Variants in DMXL1 observed in about 807,000 individuals in gnomAD.
DMXL1 encodes the protein Dmx like 1, also known as dmX-like protein 1.
A neutral mutation model predicts 319.2 loss-of-function variants in DMXL1; 99 were observed. The observed-to-expected ratio is 0.31, with a 90% CI of 0.26 to 0.37. The LOEUF (loss-of-function observed/expected upper bound fraction) is 0.37. Ranked by LOEUF, DMXL1 falls within the 10% of genes least tolerant of loss-of-function variation. The pLI, the probability that DMXL1 is intolerant of heterozygous loss-of-function variation, is 1.00. For missense variants in DMXL1, 3,745 were observed against 3,595.6 expected, an observed-to-expected ratio of 1.04 and a Z score of -1.06; for synonymous variants, 1,385 against 1,235.2, an observed-to-expected ratio of 1.12 and a Z score of -2.54.
intron 5 of DMXL1, among the ~76,000 whole-genome samples, chr5:119,112,458 T>C (rs1384985224): frequency 6.6e-6 from 1 of 152,084 alleles, no homozygotes; most frequent in Non-Finnish European, 1.5e-5. Flanking sequence ...AGTAAACTGG[T>C]GTAACAGGAT....
In DMXL1 at chr5:119,071,368, C is replaced by A; in HGVS notation, c.-202C>A. 1 of 559,166 alleles carries A rather than the reference C, an allele frequency of 1.8e-6. No individual in the cohort carries two copies. The highest frequency in any genetic ancestry group is 3.1e-6 in the Non-Finnish European group (1 of 320,930). 34.6% of individuals were successfully genotyped at this position (559,166 alleles called of 1,614,324 possible). ...GCGGCGCTCCGCCCTCTCGCCGACC[C>A]GCCCCCTCCGGGCCTCGCCCTCCGG... On this transcript the variant is annotated 5_prime_UTR_variant, in exon 1 of 44. Coordinates refer to ENST00000539542, the MANE Select transcript of DMXL1 (RefSeq NM_001290321.3).
intron 42 of DMXL1, among the ~76,000 whole-genome samples, chr5:119,240,780 A>G (rs981358807): frequency 2.0e-5 from 3 of 152,194 alleles, no homozygotes; most frequent in African/African-American, 7.2e-5. Context: ...TACCACTCCT[A>G]TTCAACATTG....
rs1765452606 is a variant in DMXL1, at chr5:119,133,911, A to ACAC, written c.1990_1992dup (p.Pro664dup). ...AACATCACACCATAATGCATTAAGG[A>ACAC]CACCAGATGTTGATAACCCAGAGCA... On this transcript the variant is annotated inframe_insertion, in exon 12 of 44. Transcript: ENST00000539542. The ACAC allele has an allele frequency of 1.2e-6, 2 of 1,614,198 alleles. No homozygotes were observed. Among genetic ancestry groups the ACAC allele is most frequent in the Non-Finnish European group, 1.7e-6 (2 of 1,180,040 alleles).
chr5:119,244,336 T>G lies in DMXL1; in HGVS notation c.8705-23T>G, dbSNP rs774359827. On this transcript the variant is annotated intron_variant, in intron 42 of 43. Coordinates refer to ENST00000539542, the MANE Select transcript of DMXL1 (RefSeq NM_001290321.3). ...TTTCTTTTATTGTTAAGTGTTTTTGTTTTTTTTTTAATTTACTTTCAGCAT... is the reference window on the plus strand; with the variant it reads ...TTTCTTTTATTGTTAAGTGTTTTTGGTTTTTTTTTAATTTACTTTCAGCAT... The G allele has an allele frequency of 6.3e-6, 9 of 1,432,412 alleles. No homozygotes were observed. The South Asian group carries it at 6.5e-5, about 10-fold the overall frequency. The allele number at this position is 1,432,412 out of a possible 1,614,324, so 88.7% of individuals were successfully genotyped here.
Position 119,197,834 on chromosome 5 carries a change from T to G in DMXL1, c.7623T>G (p.Leu2541=), listed in dbSNP as rs1397323705. The change falls in exon 32 of 44, where the codon CTT becomes CTG. Residue 2541 remains leucine (L), a synonymous_variant. Coordinates refer to ENST00000539542, the MANE Select transcript of DMXL1 (RefSeq NM_001290321.3). The part of the protein sequence containing the change: ...QCWEQVLLRR[L]EIHGGPPQNY... Reference sequence around the variant, plus strand: ...GGGAACAAGTTCTTCTCCGACGACTTGAAATCCATGGTGGGCCACCTCAAA... The same window carrying G: ...GGGAACAAGTTCTTCTCCGACGACTGGAAATCCATGGTGGGCCACCTCAAA... 1 of 1,614,212 alleles carries G rather than the reference T, an allele frequency of 6.2e-7. No individual in the cohort carries two copies. The highest frequency in any genetic ancestry group is 2.2e-5 in the East Asian group (1 of 44,888).
chr5:119,243,236 A>G (rs1376632338), intron 42 of DMXL1, among the ~76,000 whole-genome samples: 1 of 152,186 alleles, frequency 6.6e-6, no homozygotes, highest in Non-Finnish European at 1.5e-5. Context: ...CCTTCTCTGT[A>G]ATTAATTTTA....
chr5:119,121,846 C>G (rs1580824590), intron 9 of DMXL1, among the ~76,000 whole-genome samples: 2 of 151,904 alleles, frequency 1.3e-5, no homozygotes, highest in Non-Finnish European at 2.9e-5. Flanking sequence ...CCTCACTTCC[C>G]AGTAGGGGTG....
intron 34 of DMXL1, among the ~76,000 whole-genome samples, chr5:119,215,916 T>A (rs1783602281): frequency 6.6e-6 from 1 of 151,572 alleles, no homozygotes; most frequent in African/African-American, 2.4e-5. Flanking sequence ...GCCAAAATGG[T>A]GAAACCCTGT....
At chr5:119,230,405 A>G (rs34370372) in intron 38 of DMXL1, among the ~76,000 whole-genome samples, 1 of 152,246 alleles carries the variant, frequency 6.6e-6, no homozygotes, top group Non-Finnish European at 1.5e-5. Flanking sequence ...GCTTATTTTA[A>G]GTGCGTTAGA....
At chr5:119,151,843 G>T in intron 18 of DMXL1, 86 bp from the exon 19 acceptor site, 1 of 762,210 alleles carries the variant, frequency 1.3e-6, no homozygotes, top group East Asian at 2.6e-5. Flanking sequence ...TCTTGGTCAG[G>T]TTAAGAATGT....
At chr5:119,170,000 A>G (rs1774228149) in intron 23 of DMXL1, among the ~76,000 whole-genome samples, 190 bp from the exon 24 acceptor site, 1 of 152,170 alleles carries the variant, frequency 6.6e-6, no homozygotes, top group African/African-American at 2.4e-5. Context: ...TTGTTTTCCT[A>G]CTTTGTTAGA....
chr5:119,127,679 T>A (rs1442603950), intron 9 of DMXL1: 4 of 180,880 alleles, frequency 2.2e-5, no homozygotes, highest in Non-Finnish European at 4.6e-5. Flanking sequence ...CCTCAAGTGA[T>A]TTGCCTGCTC....
chr5:119,229,003 C>G (rs968038986), intron 38 of DMXL1, among the ~76,000 whole-genome samples: 1 of 151,212 alleles, frequency 6.6e-6, no homozygotes, highest in Non-Finnish European at 1.5e-5. Flanking sequence ...ACATGAAGCA[C>G]AGGAAATTAT....
intron 13 of DMXL1, among the ~76,000 whole-genome samples, chr5:119,143,305 A>G (rs1767827651): frequency 6.6e-6 from 1 of 152,000 alleles, no homozygotes; most frequent in Non-Finnish European, 1.5e-5. Context: ...AATGGAAGGC[A>G]AAAGAAAAAA....
In DMXL1 at chr5:119,170,269, T is replaced by A; in HGVS notation, c.5478T>A (p.Arg1826=). The part of the protein sequence containing the change: ...YLRTHPLLLR[R]HFGSSDTFST... ...GAACACATCCTCTTTTGCTGAGACGTCATTTTGGATCATCTGATACATTTT... is the reference window on the plus strand; with the variant it reads ...GAACACATCCTCTTTTGCTGAGACGACATTTTGGATCATCTGATACATTTT... Residue 1826 remains arginine, a synonymous_variant, in exon 24 of 44, where the codon CGT becomes CGA. Coordinates refer to ENST00000539542, the MANE Select transcript of DMXL1 (RefSeq NM_001290321.3). The A allele has an allele frequency of 6.2e-7, 1 of 1,613,828 alleles. No homozygotes were observed. The highest frequency in any genetic ancestry group is 8.5e-7 in the Non-Finnish European group (1 of 1,179,932).
At chr5:119,094,002 C>T (rs961269158) in intron 1 of DMXL1, among the ~76,000 whole-genome samples, 8 of 152,194 alleles carry the variant, frequency 5.3e-5, no homozygotes, top group African/African-American at 1.9e-4. Context: ...GAAAAGAAGT[C>T]ATCTTTATAA....
At chr5:119,086,483 G>A (rs1480420474) in intron 1 of DMXL1, among the ~76,000 whole-genome samples, 1 of 152,194 alleles carries the variant, frequency 6.6e-6, no homozygotes, top group Admixed American at 6.5e-5. Flanking sequence ...CTGTCTTCAT[G>A]TGTGATATGG....
intron 3 of DMXL1, among the ~76,000 whole-genome samples, chr5:119,102,663 CACATGCCTAT>C (rs1436097906): frequency 2.6e-5 from 4 of 152,228 alleles, no homozygotes; most frequent in Non-Finnish European, 4.4e-5. Flanking sequence ...GGCATGGTGG[CACATGCCTAT>C]AGTCTCACCT....
chr5:119,215,108 AG>A (rs1225385831), intron 34 of DMXL1, among the ~76,000 whole-genome samples: 1 of 152,232 alleles, frequency 6.6e-6, no homozygotes, highest in Non-Finnish European at 1.5e-5. Context: ...TTTCCTTAGA[AG>A]ACAAGTTGAT....
Sources: gnomAD v4.1 joint callset for allele counts (sites outside exome capture counted in the v4.1 genomes callset) on GRCh38, gnomAD v4.1.1 for gene constraint, MANE v1.5 for transcripts, NCBI Gene and HGNC (gene_info 2026-07-23, HGNC 2026-07-21) for gene names.